The following PDE3A variants were observed in gnomAD, a reference collection of about 807,000 sequenced individuals.
PDE3A encodes phosphodiesterase 3A, also known as cGMP-inhibited 3',5'-cyclic phosphodiesterase 3A.
In PDE3A, 43 loss-of-function variants were observed where a neutral mutation model predicts 98.3. That is an observed-to-expected ratio of 0.44 (90% CI 0.34 to 0.56). The LOEUF is 0.56. Among genes scored for constraint, PDE3A ranks in the 20% least tolerant of loss-of-function variants. The pLI, the probability that PDE3A is intolerant of heterozygous loss-of-function variation, is 0.01. For missense variants in PDE3A, 1,427 were observed against 1,440.7 expected (o/e 0.99, Z 0.15); for synonymous variants, 663 against 567.9 (o/e 1.17, Z -2.38).
chr12:20,534,163 T>G (rs998732190), intron 1 of PDE3A, among the ~76,000 whole-genome samples: 1 of 152,176 alleles, frequency 6.6e-6, no homozygotes, highest in Admixed American at 6.5e-5. Flanking sequence ...TGATATTTAT[T>G]ATATTGTAAT....
intron 15 of PDE3A, among the ~76,000 whole-genome samples, chr12:20,673,861 A>AAAAAT (rs1945559701): frequency 6.5e-5 from 1 of 15,408 alleles, no homozygotes; most frequent in South Asian, 2.5e-3. Context: ...AAATAAAAAT[A>AAAAAT]AAAAAAATAA....
intron 1 of PDE3A, among the ~76,000 whole-genome samples, chr12:20,415,352 ATAAAG>A (rs1333369715): frequency 1.3e-5 from 2 of 152,014 alleles, no homozygotes; most frequent in African/African-American, 4.8e-5. Flanking sequence ...TTGTTTTGTG[ATAAAG>A]TATTCAGTTC....
intron 2 of PDE3A, among the ~76,000 whole-genome samples, chr12:20,605,258 T>C (rs1324725064): frequency 2.6e-5 from 4 of 152,100 alleles, no homozygotes; most frequent in Non-Finnish European, 5.9e-5. Context: ...TTGGGAGAAG[T>C]ATATGGAAAT....
intron 1 of PDE3A, among the ~76,000 whole-genome samples, chr12:20,393,518 A>C (rs1218240011): frequency 6.6e-6 from 1 of 151,996 alleles, no homozygotes; most frequent in African/African-American, 2.4e-5. Flanking sequence ...TCTCCAACAC[A>C]AAGAAAGATA....
At chr12:20,476,842 A>G (rs1945540085) in intron 1 of PDE3A, among the ~76,000 whole-genome samples, 1 of 152,194 alleles carries the variant, frequency 6.6e-6, no homozygotes, top group South Asian at 2.1e-4. Flanking sequence ...TGGGCTGAAA[A>G]TGTCAGTGCT....
intron 1 of PDE3A, among the ~76,000 whole-genome samples, chr12:20,492,208 T>G (rs1237432561): frequency 6.6e-6 from 1 of 152,172 alleles, no homozygotes; most frequent in Non-Finnish European, 1.5e-5. Context: ...CTCAAACTCC[T>G]TACCTCAAGT....
At chr12:20,606,563 A>AATT (rs1357265617) in intron 2 of PDE3A, among the ~76,000 whole-genome samples, 13 of 152,048 alleles carry the variant, frequency 8.5e-5, no homozygotes, top group African/African-American at 3.1e-4. Context: ...TAGTAATAAA[A>AATT]ATTAAAACAA....
chr12:20,413,027 G>A (rs1185104501), intron 1 of PDE3A, among the ~76,000 whole-genome samples: 4 of 152,154 alleles, frequency 2.6e-5, no homozygotes, highest in Non-Finnish European at 5.9e-5. Context: ...GTTACATACT[G>A]TGCTAGGAAT....
At chr12:20,472,101 A>G (rs1414114299) in intron 1 of PDE3A, among the ~76,000 whole-genome samples, 1 of 152,112 alleles carries the variant, frequency 6.6e-6, no homozygotes, top group Non-Finnish European at 1.5e-5. Flanking sequence ...GACATGACCT[A>G]GATCATTTTT....
At position 20,592,154 on chromosome 12, in the gene PDE3A, A is replaced by G. The variant is rs905578381; in HGVS notation, c.1012-21289A>G. On this transcript the variant is annotated intron_variant, in intron 2 of 15. Transcript: ENST00000359062. ...ACATTACTGAAAGCTGATAAATTGCATCTGTTTAAAGATGTTAGTTTGGAT... is the reference window on the plus strand; with the variant it reads ...ACATTACTGAAAGCTGATAAATTGCGTCTGTTTAAAGATGTTAGTTTGGAT... Among the ~76,000 whole-genome samples the G allele has an allele frequency of 2.0e-5, 3 of 152,164 alleles. No homozygotes were observed. In the East Asian group the frequency reaches 5.8e-4, roughly 29 times the overall value.
intron 1 of PDE3A, among the ~76,000 whole-genome samples, chr12:20,456,645 G>A (rs1396529009): frequency 1.3e-5 from 2 of 152,012 alleles, no homozygotes; most frequent in Non-Finnish European, 1.5e-5. Context: ...CCAAAAATTC[G>A]CTGGAAATGC....
intron 14 of PDE3A, among the ~76,000 whole-genome samples, chr12:20,653,225 G>A (rs1944961886): frequency 1.3e-5 from 2 of 152,008 alleles, no homozygotes; most frequent in South Asian, 4.1e-4. Flanking sequence ...CACAATCACA[G>A]GAGATATATT....
chr12:20,463,988 A>G (rs1375711202), intron 1 of PDE3A, among the ~76,000 whole-genome samples: 2 of 152,172 alleles, frequency 1.3e-5, no homozygotes, highest in Non-Finnish European at 2.9e-5. Context: ...CACTTAATTT[A>G]TTTCTTTATC....
chr12:20,596,521 A>G (rs986900587), intron 2 of PDE3A, among the ~76,000 whole-genome samples: 2 of 152,194 alleles, frequency 1.3e-5, no homozygotes, highest in Admixed American at 1.3e-4. Context: ...CAGATACATC[A>G]TACAATTTTA....
intron 5 of PDE3A, among the ~76,000 whole-genome samples, chr12:20,625,596 T>C (rs1034314834): frequency 6.6e-6 from 1 of 152,200 alleles, no homozygotes; most frequent in Non-Finnish European, 1.5e-5. Flanking sequence ...GAGATGTCTT[T>C]ATCAGACAAG....
At chr12:20,393,266 A>G (rs1179486202) in intron 1 of PDE3A, among the ~76,000 whole-genome samples, 1 of 151,964 alleles carries the variant, frequency 6.6e-6, no homozygotes, top group Non-Finnish European at 1.5e-5. Flanking sequence ...GCAGAAGGCA[A>G]GGGGGACCAA....
intron 1 of PDE3A, among the ~76,000 whole-genome samples, chr12:20,390,562 T>C (rs1217459540): frequency 6.7e-6 from 1 of 149,490 alleles, no homozygotes; most frequent in African/African-American, 2.5e-5. Flanking sequence ...CCTGAGAAAC[T>C]AGAAAGATAG....
intron 2 of PDE3A, among the ~76,000 whole-genome samples, chr12:20,567,997 C>T (rs564060782): frequency 3.9e-5 from 6 of 151,940 alleles, no homozygotes; most frequent in African/African-American, 7.2e-5. Flanking sequence ...AGTATTTGTT[C>T]GTTTTTCTTA....
At chr12:20,421,559 A>G (rs1944511602) in intron 1 of PDE3A, among the ~76,000 whole-genome samples, 1 of 151,610 alleles carries the variant, frequency 6.6e-6, no homozygotes, top group South Asian at 2.1e-4. Flanking sequence ...AGCATAAAAC[A>G]CTTGTACCTG....
Sources: allele counts gnomAD v4.1 joint callset (sites outside exome capture counted in the v4.1 genomes callset), GRCh38; gene constraint gnomAD v4.1.1; transcripts MANE v1.5; gene names NCBI Gene and HGNC (gene_info 2026-07-23, HGNC 2026-07-21).